Variants in KCNIP4 observed in about 807,000 individuals in gnomAD.
KCNIP4 encodes the protein Kv channel-interacting protein 4.
A neutral mutation model predicts 34.0 loss-of-function variants in KCNIP4; 12 were observed. The ratio of observed to expected loss-of-function variants is 0.35; its 90% CI spans 0.23 to 0.57. The LOEUF is 0.57. Ranked by LOEUF, KCNIP4 falls within the 20% of genes least tolerant of loss-of-function variation. KCNIP4 has a pLI of 0.83. For missense variants in KCNIP4, 238 were observed against 311.7 expected (o/e 0.76, Z 1.78); for synonymous variants, 124 against 102.2 (o/e 1.21, Z -1.29).
chr4:21,089,771 T>C (rs2109040878), intron 1 of KCNIP4, among the ~76,000 whole-genome samples: 1 of 152,234 alleles, frequency 6.6e-6, no homozygotes, highest in East Asian at 1.9e-4. Context: ...ACTAGTATCT[T>C]CTCTTGTATA....
intron 2 of KCNIP4, among the ~76,000 whole-genome samples, chr4:20,875,121 A>G (rs568170589): frequency 1.3e-5 from 2 of 152,300 alleles, no homozygotes; most frequent in Admixed American, 6.5e-5. Flanking sequence ...AAACTCATTC[A>G]AGGGGCTACC....
intron 1 of KCNIP4, among the ~76,000 whole-genome samples, chr4:21,470,562 T>C (rs1211873586): frequency 6.6e-6 from 1 of 152,196 alleles, no homozygotes; most frequent in African/African-American, 2.4e-5. Flanking sequence ...GCAAATGCAC[T>C]AGACATTGCT....
intron 1 of KCNIP4, among the ~76,000 whole-genome samples, chr4:21,810,416 C>T (rs1005580211): frequency 2.0e-5 from 3 of 151,992 alleles, no homozygotes; most frequent in Non-Finnish European, 2.9e-5. Context: ...TTTGGCTGGG[C>T]GCGGTGGCTC....
intron 1 of KCNIP4, among the ~76,000 whole-genome samples, chr4:21,003,529 T>C (rs1468360735): frequency 6.6e-6 from 1 of 152,220 alleles, no homozygotes; most frequent in Non-Finnish European, 1.5e-5. Context: ...ATTTTGTCCC[T>C]GGTGAAAAGA....
At chr4:20,764,681 G>GACACAC (rs5856578) in intron 3 of KCNIP4, among the ~76,000 whole-genome samples, 28,492 of 147,040 alleles carry the variant, frequency 0.19, 2,826 homozygotes, top group African/African-American at 0.27. Flanking sequence ...ATGGGAATTG[G>GACACAC]ACACACACAC....
intron 1 of KCNIP4, among the ~76,000 whole-genome samples, chr4:20,894,259 C>A (rs981835304): frequency 6.6e-6 from 1 of 152,088 alleles, no homozygotes; most frequent in Non-Finnish European, 1.5e-5. Flanking sequence ...GGAAAGCAAG[C>A]GACAGGTGAG....
intron 1 of KCNIP4, among the ~76,000 whole-genome samples, chr4:21,445,383 G>C (rs140400340): frequency 1.3e-5 from 2 of 152,092 alleles, no homozygotes; most frequent in African/African-American, 4.8e-5. Context: ...ATAATACAAG[G>C]CTACAGTAAC....
chr4:20,760,357 T>G (rs1480913701), intron 3 of KCNIP4, among the ~76,000 whole-genome samples: 3 of 152,200 alleles, frequency 2.0e-5, no homozygotes, highest in Admixed American at 1.3e-4. Context: ...TGATACTGTT[T>G]CCAGCATCTT....
chr4:20,730,216 A>G, intron 8 of KCNIP4, 87 bp from the exon 9 acceptor site: 2 of 1,455,184 alleles, frequency 1.4e-6, no homozygotes, highest in Non-Finnish European at 9.2e-7. Flanking sequence ...GCCTCCTCCC[A>G]TCAACCACCT....
At chr4:21,175,362 T>C (rs1754328978) in intron 1 of KCNIP4, among the ~76,000 whole-genome samples, 2 of 152,282 alleles carry the variant, frequency 1.3e-5, no homozygotes, top group South Asian at 4.2e-4. Flanking sequence ...GTGAGGGATA[T>C]GGATAATTCA....
At chr4:21,055,533 CA>C (rs1316865058) in intron 1 of KCNIP4, among the ~76,000 whole-genome samples, 1 of 151,904 alleles carries the variant, frequency 6.6e-6, no homozygotes, top group Non-Finnish European at 1.5e-5. Flanking sequence ...ACCAAGAAAC[CA>C]AAAAACTGAA....
At chr4:21,538,432 T>A (rs544966036) in intron 1 of KCNIP4, among the ~76,000 whole-genome samples, 2 of 152,278 alleles carry the variant, frequency 1.3e-5, no homozygotes, top group East Asian at 3.9e-4. Flanking sequence ...GGGACACGTA[T>A]CAGTGTCTAT....
chr4:21,388,246 T>A (rs1258491256), intron 1 of KCNIP4, among the ~76,000 whole-genome samples: 2 of 150,528 alleles, frequency 1.3e-5, no homozygotes. Flanking sequence ...ATTTTACATA[T>A]ATATGTAACC....
At chr4:21,114,611 G>T (rs1466832125) in intron 1 of KCNIP4, among the ~76,000 whole-genome samples, 1 of 152,096 alleles carries the variant, frequency 6.6e-6, no homozygotes, top group Admixed American at 6.5e-5. Context: ...TTCTAACTTT[G>T]AAATTTTGAC....
intron 1 of KCNIP4, among the ~76,000 whole-genome samples, chr4:21,887,831 A>G (rs2109395984): frequency 6.6e-6 from 1 of 152,236 alleles, no homozygotes; most frequent in Admixed American, 6.5e-5. Context: ...GATGATTGAA[A>G]CCAGTTGATT....
At chr4:21,657,009 A>G (rs1181960565) in intron 1 of KCNIP4, 1 of 152,164 alleles carries the variant, frequency 6.6e-6, no homozygotes, top group African/African-American at 2.4e-5. Flanking sequence ...TGACTAATTA[A>G]CTGCTCACAT....
chr4:21,653,302 C>G (rs989329162), intron 1 of KCNIP4, among the ~76,000 whole-genome samples: 1 of 152,188 alleles, frequency 6.6e-6, no homozygotes, highest in Admixed American at 6.5e-5. Context: ...AGCATAAACT[C>G]ATCTTCAGGC....
intron 1 of KCNIP4, among the ~76,000 whole-genome samples, chr4:21,774,700 C>A (rs770725549): frequency 2.0e-4 from 30 of 152,162 alleles, no homozygotes; most frequent in Non-Finnish European, 3.1e-4. Flanking sequence ...AGGTAGTCTT[C>A]AATCTCTGAT....
At chr4:21,908,785 T>C (rs1393764437) in intron 1 of KCNIP4, among the ~76,000 whole-genome samples, 1 of 152,172 alleles carries the variant, frequency 6.6e-6, no homozygotes, top group Non-Finnish European at 1.5e-5. Context: ...TCCGCAATCA[T>C]AAAGTAGTTG....
Sources: allele counts gnomAD v4.1 joint callset (sites outside exome capture counted in the v4.1 genomes callset), GRCh38; gene constraint gnomAD v4.1.1; transcripts MANE v1.5; gene names NCBI Gene and HGNC (gene_info 2026-07-23, HGNC 2026-07-21).